The following PGM5 variants were observed in gnomAD, a reference collection of about 807,000 sequenced individuals.
PGM5 encodes the protein phosphoglucomutase 5.
A neutral mutation model predicts 59.2 loss-of-function variants in PGM5; 23 were observed. That is an observed-to-expected ratio of 0.39 (90% confidence interval 0.28 to 0.55). PGM5 has a LOEUF of 0.55. Among genes scored for constraint, PGM5 ranks in the 20% least tolerant of loss-of-function variants. The probability of loss-of-function intolerance (pLI) is 0.66; values close to 1 mark genes in which losing one functional copy is unlikely to be tolerated. For synonymous variants in PGM5, 214 were observed against 286.0 expected (o/e 0.75, Z 2.54); for missense variants, 574 against 748.3 (o/e 0.77, Z 2.72).
chr9:68,388,832 C>A (rs1554679160), intron 4 of PGM5, among the ~76,000 whole-genome samples: 3 of 152,072 alleles, frequency 2.0e-5, no homozygotes. Context: ...TCTCTGGAAG[C>A]TTTTAGGACC....
intron 7 of PGM5, among the ~76,000 whole-genome samples, chr9:68,476,384 G>A (rs1335197711): frequency 1.3e-5 from 2 of 151,952 alleles, no homozygotes; most frequent in Non-Finnish European, 2.9e-5. Flanking sequence ...AAAATATCCA[G>A]CCTATTATCC....
chr9:68,482,957 G>T (rs782719467), intron 8 of PGM5, among the ~76,000 whole-genome samples: 3 of 151,978 alleles, frequency 2.0e-5, no homozygotes, highest in African/African-American at 4.8e-5. Context: ...CATTTAATAC[G>T]CTTGGCTAGG....
chr9:68,519,912 TA>T (rs1824874462), intron 10 of PGM5, among the ~76,000 whole-genome samples: 1 of 148,202 alleles, frequency 6.7e-6, no homozygotes, highest in African/African-American at 2.5e-5. Flanking sequence ...AATAAATAAA[TA>T]AATAAATAAA....
In PGM5 at chr9:68,432,613, AT is replaced by A. The variant is rs377273696; in HGVS notation, c.1044-32470del. On this transcript the variant is annotated intron_variant, in intron 6 of 10. Coordinates refer to ENST00000396396, the MANE Select transcript of PGM5 (RefSeq NM_021965.4). ...CCATGTCAGAATATTTAAATGTACC[AT>A]TTTTTTTTTGAGACAGTATCTCACT... Among the ~76,000 whole-genome samples the A allele has an allele frequency of 5.9e-4, 85 of 144,908 alleles. 1 individual carries two copies. The highest frequency in any genetic ancestry group is 3.7e-3 in the Middle Eastern group (1 of 270).
intron 1 of PGM5, among the ~76,000 whole-genome samples, chr9:68,374,280 A>C (rs1308274234): frequency 6.6e-6 from 1 of 152,270 alleles, no homozygotes; most frequent in African/African-American, 2.4e-5. Context: ...ATTCAGTTCT[A>C]TATCAGAAGG....
chr9:68,438,279 A>G (rs1823471140), intron 6 of PGM5, among the ~76,000 whole-genome samples: 1 of 124,856 alleles, frequency 8.0e-6, no homozygotes, highest in South Asian at 2.7e-4. Context: ...ACAGAGGGAG[A>G]CTCTGTCAAA....
At chr9:68,360,953 C>T (rs192311507) in intron 1 of PGM5, among the ~76,000 whole-genome samples, 9 of 151,882 alleles carry the variant, frequency 5.9e-5, no homozygotes, top group Admixed American at 2.0e-4. Flanking sequence ...AAGTCTTGCT[C>T]TTTCACACAG....
chr9:68,425,256 T>C (rs1554682618), intron 6 of PGM5, among the ~76,000 whole-genome samples: 1 of 152,178 alleles, frequency 6.6e-6, no homozygotes, highest in African/African-American at 2.4e-5. Context: ...GGCAACTCAC[T>C]TGATGACATG....
chr9:68,495,461 TC>T (rs1324739158), intron 9 of PGM5, among the ~76,000 whole-genome samples: 1 of 152,134 alleles, frequency 6.6e-6, no homozygotes, highest in Non-Finnish European at 1.5e-5. Context: ...GAATACAAGT[TC>T]CTTAGGGAAG....
Position 68,465,074 on chromosome 9 carries a change from C to T in PGM5, c.1044-19C>T. The T allele has an allele frequency of 6.7e-7, 1 of 1,492,582 alleles. No homozygotes were observed. The highest frequency in any genetic ancestry group is 9.3e-7 in the Non-Finnish European group (1 of 1,073,760). The allele number at this position is 1,492,582 out of a possible 1,614,324, so 92.5% of individuals were successfully genotyped here. A position where few individuals can be genotyped will look rare whatever the true frequency, so the allele number is the denominator to read the frequency against. ...AAATGAAATATATGAATTGACTTTT[C>T]TCAAATTTCATTTTTCAGAGTGGCC... is the stretch of plus-strand genomic sequence containing the variant. On this transcript the variant is annotated intron_variant, in intron 6 of 10. Coordinates refer to ENST00000396396, the MANE Select transcript of PGM5 (RefSeq NM_021965.4).
intron 7 of PGM5, among the ~76,000 whole-genome samples, chr9:68,474,450 C>T (rs2132085882): frequency 6.6e-6 from 1 of 151,876 alleles, no homozygotes; most frequent in African/African-American, 2.4e-5. Context: ...TTTCCCTTTT[C>T]TTTTGTGAGG....
chr9:68,513,367 G>T (rs1413390003), intron 10 of PGM5, among the ~76,000 whole-genome samples: 6 of 152,130 alleles, frequency 3.9e-5, no homozygotes, highest in African/African-American at 1.4e-4. Flanking sequence ...TGTCAGAAGG[G>T]TTCTTCATTT....
intron 9 of PGM5, among the ~76,000 whole-genome samples, chr9:68,485,492 C>G (rs1554687479): frequency 6.6e-6 from 1 of 152,134 alleles, no homozygotes; most frequent in Non-Finnish European, 1.5e-5. Context: ...ATAAAGGGCA[C>G]TTCCCCTGCA....
At chr9:68,368,737 G>A (rs1415812902) in intron 1 of PGM5, among the ~76,000 whole-genome samples, 1 of 152,086 alleles carries the variant, frequency 6.6e-6, no homozygotes, top group Non-Finnish European at 1.5e-5. Context: ...TAAACTCCTG[G>A]GCTCAGTGGA....
At position 68,529,736 on chromosome 9, in the gene PGM5, T is replaced by G. The variant is rs1467186356; in HGVS notation, c.*80T>G. 47 of 833,878 alleles carry G rather than the reference T, an allele frequency of 5.6e-5. No homozygotes were observed. Among genetic ancestry groups the G allele is most frequent in the Non-Finnish European group, 1.8e-5 (10 of 541,150 alleles). The allele number at this position is 833,878 out of a possible 1,614,324, so 51.7% of individuals were successfully genotyped here. On this transcript the variant is annotated 3_prime_UTR_variant, in exon 11 of 11. Coordinates refer to ENST00000396396, the MANE Select transcript of PGM5 (RefSeq NM_021965.4). ...CACTGATGCCTTCTTGCTACCTGTT[T>G]GTGCCTCTTATGACTTTGGAAAAAC...
chr9:68,375,493 A>C (rs188122670), intron 1 of PGM5, among the ~76,000 whole-genome samples: 32 of 152,310 alleles, frequency 2.1e-4, no homozygotes, highest in Admixed American at 1.9e-3. Context: ...AGAGTCTCCC[A>C]TCTGATATTC....
intron 1 of PGM5, among the ~76,000 whole-genome samples, chr9:68,376,879 TTTC>T (rs1427728376): frequency 7.3e-6 from 1 of 136,086 alleles, no homozygotes; most frequent in Non-Finnish European, 1.6e-5. Flanking sequence ...TTTCTCTTTC[TTTC>T]TTTTTTTCTT....
intron 10 of PGM5, among the ~76,000 whole-genome samples, chr9:68,528,921 T>C (rs1457649399): frequency 6.6e-6 from 1 of 152,122 alleles, no homozygotes; most frequent in Admixed American, 6.6e-5. Context: ...AAGAAAGAAA[T>C]GAGTCTTCCT....
At chr9:68,433,250 G>A (rs1316696471) in intron 6 of PGM5, among the ~76,000 whole-genome samples, 2 of 152,164 alleles carry the variant, frequency 1.3e-5, no homozygotes, top group African/African-American at 4.8e-5. Context: ...ATTCATGTTG[G>A]GCAAGCTGCT....
Sources: allele counts gnomAD v4.1 joint callset (sites outside exome capture counted in the v4.1 genomes callset), GRCh38; gene constraint gnomAD v4.1.1; transcripts MANE v1.5; gene names NCBI Gene and HGNC (gene_info 2026-07-23, HGNC 2026-07-21).